Variants in GRID2 observed in about 807,000 individuals in gnomAD.
GRID2 encodes the protein glutamate receptor ionotropic, delta-2.
A neutral mutation model predicts 114.8 loss-of-function variants in GRID2; 33 were observed. The observed-to-expected ratio is 0.29, with a 90% CI of 0.22 to 0.38. The LOEUF (loss-of-function observed/expected upper bound fraction) is 0.38. Among genes scored for constraint, GRID2 ranks in the 10% least tolerant of loss-of-function variants. The probability of loss-of-function intolerance (pLI) is 1.00; values close to 1 mark genes in which losing one functional copy is unlikely to be tolerated. For synonymous variants in GRID2, 505 were observed against 449.9 expected, an observed-to-expected ratio of 1.12 and a Z score of -1.55; for missense variants, 1,184 against 1,257.7, an observed-to-expected ratio of 0.94 and a Z score of 0.89.
At chr4:93,224,545 TA>T in intron 6 of GRID2, 68 bp from the exon 7 acceptor site, 1 of 992,406 alleles carries the variant, frequency 1.0e-6, no homozygotes, top group Non-Finnish European at 1.6e-6. Flanking sequence ...TTGAGACAAT[TA>T]TTTTTTTTCC....
intron 2 of GRID2, among the ~76,000 whole-genome samples, chr4:92,734,211 TACTTA>T (rs1212078021): frequency 6.6e-6 from 1 of 152,292 alleles, no homozygotes; most frequent in East Asian, 1.9e-4. Context: ...GAATTTAAAT[TACTTA>T]ACTTTCTTAA....
chr4:92,528,245 C>A (rs1179068961), intron 1 of GRID2, among the ~76,000 whole-genome samples: 1 of 150,830 alleles, frequency 6.6e-6, no homozygotes, highest in Non-Finnish European at 1.5e-5. Context: ...GGCTTGGCCT[C>A]ACAAATTAAC....
chr4:92,730,369 G>A (rs1459701392), intron 2 of GRID2, among the ~76,000 whole-genome samples: 2 of 151,746 alleles, frequency 1.3e-5, no homozygotes, highest in African/African-American at 4.8e-5. Context: ...CCCACCCACT[G>A]AACAGTAAAA....
intron 2 of GRID2, among the ~76,000 whole-genome samples, chr4:92,689,444 G>A (rs982588363): frequency 6.6e-6 from 1 of 152,128 alleles, no homozygotes; most frequent in East Asian, 1.9e-4. Flanking sequence ...CCAACCACGG[G>A]GCCAGTTAGG....
intron 2 of GRID2, among the ~76,000 whole-genome samples, chr4:92,675,557 T>C (rs963247318): frequency 9.1e-4 from 138 of 151,020 alleles, no homozygotes; most frequent in African/African-American, 3.1e-3. Context: ...TACAATTTTT[T>C]TTTTTTTTTT....
intron 4 of GRID2, among the ~76,000 whole-genome samples, chr4:93,115,611 C>T (rs1045741651): frequency 6.6e-5 from 10 of 151,966 alleles, no homozygotes; most frequent in Non-Finnish European, 1.5e-4. Context: ...TAAGGCCATA[C>T]CTGAGACTGG....
intron 13 of GRID2, among the ~76,000 whole-genome samples, chr4:93,588,936 C>T (rs865927015): frequency 1.3e-5 from 2 of 152,100 alleles, no homozygotes; most frequent in African/African-American, 4.8e-5. Context: ...GGGGCATGAA[C>T]TCTCCAGCAG....
intron 2 of GRID2, among the ~76,000 whole-genome samples, chr4:92,698,843 A>G (rs1355397923): frequency 2.6e-5 from 4 of 152,118 alleles, no homozygotes; most frequent in African/African-American, 7.2e-5. Context: ...AAAGACAAAA[A>G]GTGAATATTG....
In GRID2 at chr4:93,726,712, G is replaced by T. The variant is rs1298064443; in HGVS notation, c.2361-42498G>T. 2.0e-5 allele frequency among the ~76,000 whole-genome samples: 3 copies of T among 152,186 alleles called. No homozygotes were observed. The East Asian group carries it at 5.8e-4, about 29-fold the overall frequency. ...AAGAGGTCCTTCACATCTCTTGTAA[G>T]TTGAATTCCTAGGTATTTTATTCTC... On this transcript the variant is annotated intron_variant, in intron 14 of 15. Transcript: ENST00000282020.
intron 7 of GRID2, among the ~76,000 whole-genome samples, chr4:93,238,004 C>A (rs1015557997): frequency 2.0e-5 from 3 of 151,740 alleles, no homozygotes; most frequent in Non-Finnish European, 4.4e-5. Context: ...AGATTTTATG[C>A]ACTCCAGAAG....
chr4:93,637,334 A>T (rs1721499153), intron 14 of GRID2, among the ~76,000 whole-genome samples: 1 of 152,208 alleles, frequency 6.6e-6, no homozygotes, highest in African/African-American at 2.4e-5. Flanking sequence ...TTTATAGAAG[A>T]GGAAACTAAA....
chr4:93,423,336 C>CT lies in GRID2; in HGVS notation c.1545+397dup, dbSNP rs554663844. Among the ~76,000 whole-genome samples the CT allele has an allele frequency of 9.0e-3, 660 of 73,554 alleles. 63 individuals are homozygous for CT. The highest frequency in any genetic ancestry group is 0.029 in the East Asian group (64 of 2,174). The allele number at this position is 73,554 out of a possible 152,430, so 48.3% of individuals were successfully genotyped here. A position where few individuals can be genotyped will look rare whatever the true frequency, so the allele number is the denominator to read the frequency against. On this transcript the variant is annotated intron_variant, in intron 10 of 15. Coordinates refer to ENST00000282020, the MANE Select transcript of GRID2 (RefSeq NM_001510.4). ...GCAATTTGTACTATTTTTTTTCTTT[C>CT]TTTTTTTTTTTTTTTTTTTTTTTTT...
chr4:92,480,745 C>T (rs1299805203), intron 1 of GRID2, among the ~76,000 whole-genome samples: 2 of 152,130 alleles, frequency 1.3e-5, no homozygotes, highest in Non-Finnish European at 1.5e-5. Context: ...AGTAACGTAA[C>T]ATTCATAGGT....
At chr4:93,256,095 A>G (rs113747989) in intron 8 of GRID2, among the ~76,000 whole-genome samples, 4,256 of 152,070 alleles carry the variant, frequency 0.028, 207 homozygotes, top group African/African-American at 0.096. Context: ...ACTTCTTCCT[A>G]TTCTTTTGAC....
intron 2 of GRID2, among the ~76,000 whole-genome samples, chr4:92,795,325 G>C (rs1739811099): frequency 6.6e-6 from 1 of 151,810 alleles, no homozygotes; most frequent in Non-Finnish European, 1.5e-5. Flanking sequence ...CAAGAGATCT[G>C]ATGGGTTTAT....
intron 2 of GRID2, among the ~76,000 whole-genome samples, chr4:92,646,043 G>A (rs1731601102): frequency 6.6e-6 from 1 of 151,700 alleles, no homozygotes; most frequent in Non-Finnish European, 1.5e-5. Context: ...TGATTGCACT[G>A]TTTTAGACTC....
intron 14 of GRID2, among the ~76,000 whole-genome samples, chr4:93,750,725 C>T (rs1179458573): frequency 6.6e-6 from 1 of 151,738 alleles, no homozygotes; most frequent in Non-Finnish European, 1.5e-5. Flanking sequence ...CACTACACTC[C>T]AGACTGGGTG....
intron 2 of GRID2, among the ~76,000 whole-genome samples, chr4:92,600,024 ATGTGTGTGTGTGTGTG>A (rs145357264): frequency 3.8e-5 from 3 of 79,666 alleles, no homozygotes; most frequent in African/African-American, 1.7e-4. Context: ...TACTTCATGT[ATGTGTGTGTGTGTGTG>A]TGTGTATATA....
intron 1 of GRID2, among the ~76,000 whole-genome samples, chr4:92,562,235 A>G (rs1727133226): frequency 6.6e-6 from 1 of 152,172 alleles, no homozygotes; most frequent in Non-Finnish European, 1.5e-5. Flanking sequence ...GACTGAGGCC[A>G]TTGCAATAAA....
Sources: gnomAD v4.1 joint callset for allele counts (sites outside exome capture counted in the v4.1 genomes callset) on GRCh38, gnomAD v4.1.1 for gene constraint, MANE v1.5 for transcripts, NCBI Gene and HGNC (gene_info 2026-07-23, HGNC 2026-07-21) for gene names.